Variants in PTPRD observed in about 807,000 individuals in gnomAD.
PTPRD encodes the protein receptor-type tyrosine-protein phosphatase delta.
In PTPRD, 34 loss-of-function variants were observed where a neutral mutation model predicts 214.5. That is an observed-to-expected ratio of 0.16 (90% CI 0.12 to 0.21). The LOEUF (loss-of-function observed/expected upper bound fraction) is 0.21. Ranked by LOEUF, PTPRD falls within the 10% of genes least tolerant of loss-of-function variation. PTPRD has a pLI of 1.00. For synonymous variants in PTPRD, 1,128 were observed against 845.7 expected, an observed-to-expected ratio of 1.33 and a Z score of -5.79; for missense variants, 2,545 against 2,398.7, an observed-to-expected ratio of 1.06 and a Z score of -1.27.
At chr9:8,812,417 G>C (rs1032322330) in intron 11 of PTPRD, among the ~76,000 whole-genome samples, 1 of 152,110 alleles carries the variant, frequency 6.6e-6, no homozygotes, top group African/African-American at 2.4e-5. Flanking sequence ...CCATGTATCT[G>C]CTAATTAAGA....
chr9:8,734,000 A>T (rs576577024), intron 11 of PTPRD, 54 bp from the exon 12 acceptor site: 25 of 685,198 alleles, frequency 3.6e-5, no homozygotes, highest in Non-Finnish European at 5.3e-5. Flanking sequence ...AAGTGCTTAG[A>T]TTTCTTACTC....
At chr9:10,311,677 G>A (rs1237902305) in intron 3 of PTPRD, among the ~76,000 whole-genome samples, 1 of 151,988 alleles carries the variant, frequency 6.6e-6, no homozygotes, top group Admixed American at 6.6e-5. Flanking sequence ...AGAAAAGTTA[G>A]CATATTTTTT....
chr9:9,633,420 A>G (rs2095656084), intron 7 of PTPRD, among the ~76,000 whole-genome samples: 1 of 152,218 alleles, frequency 6.6e-6, no homozygotes, highest in Admixed American at 6.5e-5. Context: ...ATATCAAAGA[A>G]TTCAAACGAC....
chr9:8,916,681 T>C (rs927300650), intron 11 of PTPRD, among the ~76,000 whole-genome samples: 2 of 152,194 alleles, frequency 1.3e-5, no homozygotes, highest in Non-Finnish European at 2.9e-5. Flanking sequence ...AGTAGCAAGG[T>C]AGCTCACATA....
intron 11 of PTPRD, among the ~76,000 whole-genome samples, chr9:8,824,954 C>T (rs1465123027): frequency 6.6e-6 from 1 of 152,084 alleles, no homozygotes; most frequent in Admixed American, 6.6e-5. Flanking sequence ...TTATACTTGG[C>T]CTGATTATTT....
intron 2 of PTPRD, among the ~76,000 whole-genome samples, chr9:10,481,467 A>T (rs569726231): frequency 5.6e-4 from 86 of 152,296 alleles, no homozygotes; most frequent in African/African-American, 1.9e-3. Context: ...TTCCCAAAAG[A>T]CATAACTGAG....
chr9:9,837,074 C>A (rs967735282), intron 5 of PTPRD, among the ~76,000 whole-genome samples: 1 of 152,186 alleles, frequency 6.6e-6, no homozygotes, highest in Non-Finnish European at 1.5e-5. Context: ...TACATACATT[C>A]TTTTCCCTAT....
intron 10 of PTPRD, among the ~76,000 whole-genome samples, chr9:9,055,187 T>A (rs969933316): frequency 6.6e-6 from 1 of 152,106 alleles, no homozygotes; most frequent in Non-Finnish European, 1.5e-5. Flanking sequence ...AAAACATGTA[T>A]AAAGGTATTC....
chr9:9,842,552 G>C (rs2058589227), intron 5 of PTPRD, among the ~76,000 whole-genome samples: 1 of 151,862 alleles, frequency 6.6e-6, no homozygotes, highest in Admixed American at 6.6e-5. Flanking sequence ...AGAGAGACTA[G>C]ATGTCAGTAT....
At chr9:10,149,705 T>C (rs2099047481) in intron 3 of PTPRD, among the ~76,000 whole-genome samples, 1 of 151,952 alleles carries the variant, frequency 6.6e-6, no homozygotes. Flanking sequence ...AAATGAATGG[T>C]CTGGCACAAT....
At position 10,585,948 on chromosome 9, in the gene PTPRD, C is replaced by T. The variant is rs539316327; in HGVS notation, c.-600+26450G>A. ...GATATAACTAGGTTAGCAAGAAAAA[C>T]CTGAAATCTAATGTTGACAAATGAA... On this transcript the variant is annotated intron_variant, in intron 2 of 45. Coordinates refer to ENST00000381196, the MANE Select transcript of PTPRD (RefSeq NM_002839.4). Among the ~76,000 whole-genome samples the T allele has an allele frequency of 4.6e-5, 7 of 151,974 alleles. No homozygotes were observed. In the South Asian group the frequency reaches 1.5e-3, roughly 32 times the overall value.
intron 7 of PTPRD, among the ~76,000 whole-genome samples, chr9:9,704,089 C>A (rs990515560): frequency 2.6e-5 from 4 of 151,916 alleles, no homozygotes; most frequent in Non-Finnish European, 5.9e-5. Context: ...TCTGTAAGAC[C>A]CTGAAACCAG....
intron 3 of PTPRD, among the ~76,000 whole-genome samples, chr9:10,233,635 C>T (rs1010808489): frequency 5.7e-4 from 87 of 151,950 alleles, no homozygotes; most frequent in African/African-American, 2.0e-3. Context: ...AATCATGCTA[C>T]TTGTAAAATC....
chr9:10,416,571 G>A (rs1242234640), intron 2 of PTPRD, among the ~76,000 whole-genome samples: 2 of 151,866 alleles, frequency 1.3e-5, no homozygotes, highest in Non-Finnish European at 2.9e-5. Flanking sequence ...AACAGCTTAT[G>A]AGAAAACAAA....
rs1825651065 is a variant in PTPRD at position 8,319,897 on chromosome 9, T to A, written c.5604A>T (p.Gly1868=). 1 of 1,612,772 alleles carries A rather than the reference T, an allele frequency of 6.2e-7. No individual in the cohort carries two copies. Among genetic ancestry groups the A allele is most frequent in the Non-Finnish European group, 8.5e-7 (1 of 1,179,348 alleles). ...SIVLERMRYE[G]VVDIFQTVKM... is the part of the protein sequence containing the mutation. ...TGACAGTCTGGAAGATATCTACAAC[T>A]CCTTCATATCTCATTCTTTCCAAAA... is the stretch of plus-strand genomic sequence containing the variant. The change falls in exon 45 of 46, where the codon GGA becomes GGT. Residue 1868 remains glycine (G), a synonymous_variant. Transcript: ENST00000381196.
intron 13 of PTPRD, among the ~76,000 whole-genome samples, chr9:8,635,729 G>A: frequency 6.6e-6 from 1 of 152,056 alleles, no homozygotes; most frequent in East Asian, 1.9e-4. Context: ...TCAGGTAAAA[G>A]GGAGGTGAGT....
Position 10,514,722 on chromosome 9 carries a change from C to G in PTPRD, c.-600+97676G>C, listed in dbSNP as rs192988672. Among the ~76,000 whole-genome samples, 286 of 151,862 alleles carry G rather than the reference C, an allele frequency of 1.9e-3. 6 individuals are homozygous for G. Among genetic ancestry groups the G allele is most frequent in the Admixed American group, 0.018 (272 of 15,230 alleles). ...CATATTCTTTATTGTATTATACAGACTAGATAAATTTACGTATAAGCAAGA... is the reference window on the plus strand; with the variant it reads ...CATATTCTTTATTGTATTATACAGAGTAGATAAATTTACGTATAAGCAAGA... On this transcript the variant is annotated intron_variant, in intron 2 of 45. Coordinates refer to ENST00000381196, the MANE Select transcript of PTPRD (RefSeq NM_002839.4).
intron 11 of PTPRD, among the ~76,000 whole-genome samples, chr9:8,775,971 T>C (rs995515750): frequency 6.6e-6 from 1 of 152,188 alleles, no homozygotes; most frequent in African/African-American, 2.4e-5. Flanking sequence ...GTAGGTAAAG[T>C]TGATGGACAG....
At chr9:8,915,691 G>A (rs1242985117) in intron 11 of PTPRD, among the ~76,000 whole-genome samples, 2 of 152,210 alleles carry the variant, frequency 1.3e-5, no homozygotes, top group Admixed American at 6.5e-5. Flanking sequence ...AAGTCCGAAG[G>A]CAGAAAAAAA....
Sources: gnomAD v4.1 joint callset for allele counts (sites outside exome capture counted in the v4.1 genomes callset) on GRCh38, gnomAD v4.1.1 for gene constraint, MANE v1.5 for transcripts, NCBI Gene and HGNC (gene_info 2026-07-23, HGNC 2026-07-21) for gene names.